Variants in SEMA6D observed in about 807,000 individuals in gnomAD.
SEMA6D encodes semaphorin-6D.
A neutral mutation model predicts 106.6 loss-of-function variants in SEMA6D; 35 were observed. The ratio of observed to expected loss-of-function variants is 0.33; its 90% CI spans 0.25 to 0.44. The LOEUF (loss-of-function observed/expected upper bound fraction) is 0.44. Ranked by LOEUF, SEMA6D falls within the 20% of genes least tolerant of loss-of-function variation. SEMA6D has a pLI of 1.00. For missense variants in SEMA6D, 1,185 were observed against 1,345.9 expected, an observed-to-expected ratio of 0.88 and a Z score of 1.87; for synonymous variants, 499 against 487.7, an observed-to-expected ratio of 1.02 and a Z score of -0.31.
intron 1 of SEMA6D, among the ~76,000 whole-genome samples, chr15:47,742,118 G>C (rs764291101): frequency 6.6e-6 from 1 of 152,214 alleles, no homozygotes; most frequent in Non-Finnish European, 1.5e-5. Context: ...AACTGCAGCC[G>C]TGGAAATAAG....
At chr15:47,679,521 G>A (rs1489430222) in intron 4 of SEMA6D, among the ~76,000 whole-genome samples, 24 of 152,118 alleles carry the variant, frequency 1.6e-4, no homozygotes, top group Non-Finnish European at 4.4e-5. Context: ...CTTCACTCTG[G>A]CCCCTCGGCA....
intron 8 of SEMA6D, 82 bp from the exon 9 acceptor site, chr15:47,762,934 T>G: frequency 1.0e-6 from 1 of 1,003,880 alleles, no homozygotes; most frequent in Non-Finnish European, 1.5e-6. Flanking sequence ...GTGCAACATC[T>G]GTCAGTCATG....
chr15:47,747,402 T>C (rs561083734), intron 1 of SEMA6D, among the ~76,000 whole-genome samples: 1 of 152,304 alleles, frequency 6.6e-6, no homozygotes, highest in African/African-American at 2.4e-5. Flanking sequence ...TTTCAGTTCC[T>C]TTCTGAATTA....
chr15:47,591,813 C>T (rs1156384501), intron 3 of SEMA6D, among the ~76,000 whole-genome samples: 1 of 152,106 alleles, frequency 6.6e-6, no homozygotes, highest in Non-Finnish European at 1.5e-5. Context: ...ATACTGGCAT[C>T]TAGTGTCTCT....
intron 1 of SEMA6D, among the ~76,000 whole-genome samples, chr15:47,293,863 C>T (rs1259880318): frequency 6.6e-6 from 1 of 152,184 alleles, no homozygotes; most frequent in African/African-American, 2.4e-5. Flanking sequence ...GACCACTGTG[C>T]TGTTTCTCTC....
In SEMA6D at chr15:47,771,297, A is replaced by T; in HGVS notation, c.2734A>T (p.Met912Leu). The change falls in exon 19 of 19, where the codon ATG becomes TTG. Residue 912 changes from methionine (M) to leucine (L), a missense_variant. Met to Leu is a conservative substitution (Grantham distance 15). This residue lies in a region of SEMA6D where 750 missense variants were observed against 783.5 expected (regional missense o/e 0.96). Transcript: ENST00000536845. ...ACACCAGAACTTAATGCTGGATCCC[A>T]TGGGATCGATGTCTGAGGTCCCACC... ...MAHQNLMLDPMGSMSEVPPKV... is the reference protein window; with the variant it reads ...MAHQNLMLDPLGSMSEVPPKV... 1.2e-6 allele frequency: 2 copies of T among 1,613,952 alleles called. No individual in the cohort carries two copies. The highest frequency in any genetic ancestry group is 1.7e-6 in the Non-Finnish European group (2 of 1,179,940).
chr15:47,227,421 C>CTTTCTTTA (rs1555407171), intron 1 of SEMA6D, among the ~76,000 whole-genome samples: 1 of 96,724 alleles, frequency 1.0e-5, no homozygotes, highest in East Asian at 2.1e-4. Context: ...CTTTCTTTCT[C>CTTTCTTTA]TTTCTTTCTT....
intron 3 of SEMA6D, among the ~76,000 whole-genome samples, chr15:47,500,128 G>A (rs77873016): frequency 0.021 from 3,128 of 152,148 alleles, 105 homozygotes; most frequent in African/African-American, 0.071. Context: ...CTAGTAGAAT[G>A]ACCCTCCTGA....
intron 4 of SEMA6D, among the ~76,000 whole-genome samples, chr15:47,691,012 T>C (rs1453771676): frequency 1.3e-5 from 2 of 152,140 alleles, no homozygotes; most frequent in African/African-American, 4.8e-5. Flanking sequence ...AATATGCCAG[T>C]TTGGCGTTGT....
intron 3 of SEMA6D, among the ~76,000 whole-genome samples, chr15:47,511,585 G>C (rs971372158): frequency 1.3e-5 from 2 of 152,126 alleles, no homozygotes; most frequent in African/African-American, 4.8e-5. Flanking sequence ...CTCCTCCATA[G>C]AGTTGGCCTG....
chr15:47,244,929 A>G (rs938102360), intron 1 of SEMA6D, among the ~76,000 whole-genome samples: 1 of 152,106 alleles, frequency 6.6e-6, no homozygotes, highest in African/African-American at 2.4e-5. Flanking sequence ...GCTCCCACTT[A>G]TAAAAGAGAA....
At chr15:47,539,903 A>G (rs895749605) in intron 3 of SEMA6D, among the ~76,000 whole-genome samples, 3 of 152,136 alleles carry the variant, frequency 2.0e-5, no homozygotes, top group Admixed American at 2.0e-4. Context: ...TCCTGTTGGT[A>G]TCTGTTTTCT....
At chr15:47,248,068 A>G (rs1308313156) in intron 1 of SEMA6D, among the ~76,000 whole-genome samples, 1 of 152,216 alleles carries the variant, frequency 6.6e-6, no homozygotes, top group Non-Finnish European at 1.5e-5. Flanking sequence ...AAAGTACCTT[A>G]TAAATACATG....
chr15:47,470,215 C>A (rs2042792589), intron 2 of SEMA6D, among the ~76,000 whole-genome samples: 1 of 152,140 alleles, frequency 6.6e-6, no homozygotes, highest in African/African-American at 2.4e-5. Context: ...TGTCCTTGTT[C>A]CACCTAATGG....
intron 1 of SEMA6D, among the ~76,000 whole-genome samples, chr15:47,351,562 A>C (rs1482513117): frequency 6.6e-6 from 1 of 152,154 alleles, no homozygotes; most frequent in Non-Finnish European, 1.5e-5. Flanking sequence ...ACAATTATCC[A>C]AGGTCAGGTG....
At chr15:47,722,071 C>T (rs2079454719) in intron 1 of SEMA6D, among the ~76,000 whole-genome samples, 1 of 152,160 alleles carries the variant, frequency 6.6e-6, no homozygotes. Context: ...CAACCTGTCC[C>T]AGGCCCCTCA....
intron 1 of SEMA6D, among the ~76,000 whole-genome samples, chr15:47,370,683 TAAAAAAAAAAAAA>T (rs376454672): frequency 4.2e-5 from 4 of 95,188 alleles, no homozygotes; most frequent in Non-Finnish European, 7.6e-5. Flanking sequence ...CGTCTCTACT[TAAAAAAAAAAAAA>T]AAAAAAAAAA....
chr15:47,549,827 G>A (rs1285258411), intron 3 of SEMA6D, among the ~76,000 whole-genome samples: 1 of 152,146 alleles, frequency 6.6e-6, no homozygotes, highest in Non-Finnish European at 1.5e-5. Flanking sequence ...TTGGAAGTGT[G>A]CAAAATGGAT....
At chr15:47,565,987 A>C (rs1381925281) in intron 3 of SEMA6D, among the ~76,000 whole-genome samples, 1 of 152,236 alleles carries the variant, frequency 6.6e-6, no homozygotes, top group African/African-American at 2.4e-5. Context: ...CCAAGGAAAG[A>C]ATCTAATCAT....
Sources: gnomAD v4.1 joint callset for allele counts (sites outside exome capture counted in the v4.1 genomes callset) on GRCh38, gnomAD v4.1.1 for gene constraint, gnomAD v4.1.1 regional missense constraint, MANE v1.5 for transcripts, NCBI Gene and HGNC (gene_info 2026-07-23, HGNC 2026-07-21) for gene names.